ANO1: variants seen among roughly 807,000 people sequenced by gnomAD.
ANO1 encodes anoctamin-1.
Under a neutral mutation model 124.0 loss-of-function variants are expected in ANO1, and 59 were observed. The observed-to-expected ratio is 0.48, with a 90% CI of 0.39 to 0.59. ANO1 has a LOEUF of 0.59. Ranked by LOEUF, ANO1 falls within the 20% of genes least tolerant of loss-of-function variation. ANO1 has a pLI of 0.00. For missense variants in ANO1, 1,059 were observed against 1,328.0 expected (o/e 0.80, Z 3.15); for synonymous variants, 529 against 532.0 (o/e 0.99, Z 0.08).
intron 1 of ANO1, among the ~76,000 whole-genome samples, chr11:70,020,551 T>C (rs1278718358): frequency 1.3e-5 from 2 of 152,186 alleles, no homozygotes; most frequent in Non-Finnish European, 2.9e-5. Context: ...CCCAGCTCAG[T>C]GGGTCCGGCC....
intron 1 of ANO1, among the ~76,000 whole-genome samples, chr11:70,068,389 G>C (rs939727231): frequency 6.6e-6 from 1 of 152,192 alleles, no homozygotes; most frequent in Non-Finnish European, 1.5e-5. Flanking sequence ...CCTTTCAAAG[G>C]ATACTTTGCA....
At chr11:69,970,830 C>A in the ANO1 span, among the ~76,000 whole-genome samples, 4 of 152,230 alleles carry the variant, frequency 2.6e-5, no homozygotes, top group Non-Finnish European at 4.4e-5. Context: ...TCTCAGGCCG[C>A]CCTCCCATGC....
At chr11:69,969,723 T>C in the ANO1 span, among the ~76,000 whole-genome samples, 33 of 151,792 alleles carry the variant, frequency 2.2e-4, no homozygotes, top group Non-Finnish European at 3.4e-4. Flanking sequence ...CCGAGGCGGG[T>C]GGATCACAAG....
intron 2 of ANO1, among the ~76,000 whole-genome samples, chr11:70,092,089 A>G (rs948278076): frequency 6.6e-6 from 1 of 152,100 alleles, no homozygotes; most frequent in Non-Finnish European, 1.5e-5. Flanking sequence ...TGCCTTTACC[A>G]GCTCCTGGGT....
intron 11 of ANO1, among the ~76,000 whole-genome samples, chr11:70,134,714 C>T (rs115303275): frequency 1.1e-3 from 171 of 152,306 alleles, no homozygotes; most frequent in African/African-American, 3.8e-3. Context: ...GTGGGAGCTA[C>T]TCATCGGCCC....
intron 8 of ANO1, among the ~76,000 whole-genome samples, chr11:70,122,907 G>T (rs1409144130): frequency 1.3e-5 from 2 of 152,228 alleles, no homozygotes; most frequent in Non-Finnish European, 2.9e-5. Flanking sequence ...TTTTGCAGAG[G>T]TGTGGCTCCG....
In ANO1 at chr11:70,103,055, T is replaced by G; in HGVS notation, c.442-11T>G. ...CCCCCCCTCAACCCAGAACTTTCCT[T>G]CTCTCTCCAGACTAAAATCCACGGA... On this transcript the variant is annotated splice_polypyrimidine_tract_variant and intron_variant, in intron 2 of 25. Coordinates refer to ENST00000355303, the MANE Select transcript of ANO1 (RefSeq NM_018043.7). 1 of 1,603,414 alleles carries G rather than the reference T, an allele frequency of 6.2e-7. No homozygotes were observed. Among genetic ancestry groups the G allele is most frequent in the South Asian group, 1.1e-5 (1 of 89,008 alleles).
At chr11:70,147,349 G>A (rs1160164957) in intron 11 of ANO1, among the ~76,000 whole-genome samples, 1 of 152,224 alleles carries the variant, frequency 6.6e-6, no homozygotes, top group Admixed American at 6.5e-5. Context: ...GCCTCCTGGG[G>A]AGGGTGCCCA....
At chr11:70,080,939 G>A (rs571519264) in intron 1 of ANO1, among the ~76,000 whole-genome samples, 6 of 152,328 alleles carry the variant, frequency 3.9e-5, no homozygotes, top group Non-Finnish European at 7.3e-5. Context: ...CAAGCCAACA[G>A]TTGTTGCTCA....
intron 11 of ANO1, among the ~76,000 whole-genome samples, chr11:70,140,402 G>T (rs2047109045): frequency 6.6e-6 from 1 of 152,006 alleles, no homozygotes. Flanking sequence ...GTGGTGGCAG[G>T]TACCTGTAAT....
chr11:70,153,202 A>C, intron 14 of ANO1, 74 bp downstream of exon 14: 1 of 1,331,462 alleles, frequency 7.5e-7, no homozygotes, highest in Non-Finnish European at 1.1e-6. Context: ...ACCTGGGATC[A>C]GCCCAGAGAA....
chr11:70,102,172 G>T (rs750332764), intron 2 of ANO1, among the ~76,000 whole-genome samples: 129 of 152,322 alleles, frequency 8.5e-4, no homozygotes, highest in Non-Finnish European at 1.8e-3. Context: ...ATTAAGAGTG[G>T]GGAGTCAGGG....
intron 1 of ANO1, among the ~76,000 whole-genome samples, chr11:69,993,767 T>C (rs897208191): frequency 3.3e-5 from 5 of 152,224 alleles, no homozygotes; most frequent in Non-Finnish European, 7.3e-5. Context: ...CTTTCTGTCT[T>C]CATGGCCTGC....
At chr11:70,111,789 C>G (rs751560783) in intron 7 of ANO1, 27 bp downstream of exon 7, 17 of 1,612,798 alleles carry the variant, frequency 1.1e-5, no homozygotes, top group Non-Finnish European at 1.4e-5. Flanking sequence ...CACGATTTAT[C>G]TCTGCGTCAT....
intron 1 of ANO1, among the ~76,000 whole-genome samples, chr11:70,067,814 A>G (rs1274171421): frequency 6.6e-6 from 1 of 151,960 alleles, no homozygotes; most frequent in Non-Finnish European, 1.5e-5. Flanking sequence ...GTTACCAGTG[A>G]CCGTTTAGGA....
chr11:70,075,876 C>A (rs1555009958), upstream of ANO1, among the ~76,000 whole-genome samples: 1 of 152,198 alleles, frequency 6.6e-6, no homozygotes, highest in African/African-American at 2.4e-5. Context: ...CTTGTCCTGG[C>A]TTGGGAGATA....
Position 70,161,650 on chromosome 11 carries a change from G to A in ANO1, c.1809G>A (p.Glu603=), listed in dbSNP as rs1565264494. The change falls in exon 18 of 26, where the codon GAG becomes GAA. Residue 603 remains glutamate (E), a synonymous_variant. Transcript: ENST00000355303. ...TCCCAAAGACGGAGAAAAGCTTTGA[G>A]GAGAGGCTGATCTTCAAGGCTTTCC... The part of the protein sequence containing the change: ...IEVPKTEKSF[E]ERLIFKAFLL... The A allele has an allele frequency of 6.2e-7, 1 of 1,614,032 alleles. No individual in the cohort carries two copies.
the ANO1 span, among the ~76,000 whole-genome samples, chr11:69,971,936 C>A: frequency 6.6e-6 from 1 of 151,992 alleles, no homozygotes; most frequent in Admixed American, 6.6e-5. Flanking sequence ...AAAGTGAAAG[C>A]GAGGCTGGGC....
rs370499103 is a variant in ANO1, at chr11:70,090,983, C to G, written c.441+2899C>G. On this transcript the variant is annotated intron_variant, in intron 2 of 25. Transcript: ENST00000355303. ...AAGGCTTCCTGGAAACCCCAGAGCT[C>G]TCATCTGAGCTGCACCAGCCCCTAG... Among the ~76,000 whole-genome samples, 51 of 152,336 alleles carry G rather than the reference C, an allele frequency of 3.3e-4. No homozygotes were observed. The East Asian group carries it at 7.3e-3, about 22-fold the overall frequency.
Sources: allele counts gnomAD v4.1 joint callset (sites outside exome capture counted in the v4.1 genomes callset), GRCh38; gene constraint gnomAD v4.1.1; transcripts MANE v1.5; gene names NCBI Gene and HGNC (gene_info 2026-07-23, HGNC 2026-07-21).